Variants in PNO1 observed in about 807,000 individuals in gnomAD.
PNO1 encodes RNA-binding protein PNO1.
Under a neutral mutation model 28.4 loss-of-function variants are expected in PNO1, and 16 were observed. The ratio of observed to expected loss-of-function variants is 0.56; its 90% CI spans 0.38 to 0.85. The LOEUF (loss-of-function observed/expected upper bound fraction) is 0.85. PNO1 is among the 40% of genes least tolerant of loss of function. PNO1 has a pLI of 0.00. For synonymous variants in PNO1, 115 were observed against 110.8 expected (o/e 1.04, Z -0.24); for missense variants, 304 against 312.2 (o/e 0.97, Z 0.20).
At chr2:68,169,847 A>G (rs1193997372) in intron 5 of PNO1, among the ~76,000 whole-genome samples, 1 of 152,090 alleles carries the variant, frequency 6.6e-6, no homozygotes, top group Non-Finnish European at 1.5e-5. Context: ...CTTCCAGTAT[A>G]TGTGTTGAAA....
At chr2:68,170,502 C>T (rs2103688649) in intron 5 of PNO1, among the ~76,000 whole-genome samples, 1 of 152,270 alleles carries the variant, frequency 6.6e-6, no homozygotes, top group South Asian at 2.1e-4. Context: ...AATCCCAGCA[C>T]TTTGGGAGGC....
chr2:68,174,752 G>C lies in PNO1; in HGVS notation c.709G>C (p.Val237Leu), dbSNP rs752339207. 1 of 1,608,604 alleles carries C rather than the reference G, an allele frequency of 6.2e-7. No individual in the cohort carries two copies. Reference sequence around the variant, plus strand: ...CTTTGCAGGAAATCCTCCTTCCAAGGTTTATGGCAATATTCGAGCTGTGGC... The same window carrying C: ...CTTTGCAGGAAATCCTCCTTCCAAGCTTTATGGCAATATTCGAGCTGTGGC... ...NLILGNPPSK[V>L]YGNIRAVASR... is the part of the protein sequence containing the mutation. The change falls in exon 7 of 7, where the codon GTT becomes CTT. Residue 237 changes from valine to leucine, a missense_variant. Val to Leu is a conservative substitution (Grantham distance 32). Coordinates refer to ENST00000263657, the MANE Select transcript of PNO1 (RefSeq NM_020143.4).
At position 68,162,340 on chromosome 2, in the gene PNO1, G is replaced by A; in HGVS notation, c.502+15G>A. The A allele has an allele frequency of 6.3e-7, 1 of 1,588,334 alleles. No homozygotes were observed. The highest frequency in any genetic ancestry group is 8.6e-7 in the Non-Finnish European group (1 of 1,163,758). Reference sequence around the variant, plus strand: ...AATTACAGATGGTGAGTGTGTGTTGGTCTGCGCTCTTGTGTCGCTGACTTT... The same window carrying A: ...AATTACAGATGGTGAGTGTGTGTTGATCTGCGCTCTTGTGTCGCTGACTTT... On this transcript the variant is annotated intron_variant, in intron 4 of 6. Transcript: ENST00000263657.
chr2:68,158,557 T>C (rs755169466), intron 2 of PNO1, 28 bp downstream of exon 2: 3 of 1,593,034 alleles, frequency 1.9e-6, no homozygotes, highest in Non-Finnish European at 2.6e-6. Context: ...CATTTCCCAA[T>C]ACACCAGGCT....
chr2:68,163,601 AT>A (rs1673900475), intron 5 of PNO1, among the ~76,000 whole-genome samples: 1 of 152,098 alleles, frequency 6.6e-6, no homozygotes, highest in Non-Finnish European at 1.5e-5. Context: ...AAGGGAATCT[AT>A]TAAATCACTA....
rs1162227949 is a variant in PNO1, at chr2:68,176,033, A to C, written c.*1231A>C. On this transcript the variant is annotated 3_prime_UTR_variant, in exon 7 of 7. Transcript: ENST00000263657. ...AAATACAGCTTCTACTGAATGAATA[A>C]TTCTAAAGTTGAAAAATAATAGTAA... 6.6e-6 allele frequency: 1 copy of C among 152,248 alleles called. No individual in the cohort carries two copies. The highest frequency in any genetic ancestry group is 2.4e-5 in the African/African-American group (1 of 41,456). 9.4% of individuals were successfully genotyped at this position (152,248 alleles called of 1,614,324 possible).
chr2:68,158,454 G>A lies in PNO1; in HGVS notation c.282G>A (p.Lys94=), dbSNP rs568308633. The A allele has an allele frequency of 6.2e-7, 1 of 1,613,222 alleles. No individual in the cohort carries two copies. Among genetic ancestry groups the A allele is most frequent in the South Asian group, 1.1e-5 (1 of 91,056 alleles). Reference sequence around the variant, plus strand: ...CACCATTGAAAGAAAACTGGATGAAGATATTTACTCCTATTGTGGAACATT... The same window carrying A: ...CACCATTGAAAGAAAACTGGATGAAAATATTTACTCCTATTGTGGAACATT... ...RYTPLKENWM[K]IFTPIVEHLG... The change falls in exon 2 of 7, where the codon AAG becomes AAA. Residue 94 remains lysine (K), a synonymous_variant. Transcript: ENST00000263657.
In PNO1 at chr2:68,163,540, A is replaced by AATACATACATACGTAC. The variant is rs1553401138; in HGVS notation, c.620+889_620+890insGTACATACATACATAC. Among the ~76,000 whole-genome samples the AATACATACATACGTAC allele has an allele frequency of 2.9e-5, 4 of 136,166 alleles. No individual in the cohort carries two copies. The East Asian group carries it at 8.5e-4, about 29-fold the overall frequency. The allele number at this position is 136,166 out of a possible 152,430, so 89.3% of individuals were successfully genotyped here. ...AGTGAGACTCTGTCTCAAATAAATAAATACATACATACATACATACATACA... is the reference window on the plus strand; with the variant it reads ...AGTGAGACTCTGTCTCAAATAAATAAATACATACATACGTACATACATACATACATACATACATACA... On this transcript the variant is annotated intron_variant, in intron 5 of 6. Transcript: ENST00000263657.
intron 3 of PNO1, 146 bp from the exon 4 acceptor site, chr2:68,162,119 A>C: frequency 1.6e-6 from 1 of 611,626 alleles, no homozygotes; most frequent in Non-Finnish European, 2.9e-6. Context: ...AGCCTGGGCG[A>C]CAGCGTAAGA....
chr2:68,173,126 C>A, intron 5 of PNO1: 3 of 173,184 alleles, frequency 1.7e-5, no homozygotes, highest in African/African-American at 3.3e-5. Context: ...GGGTTTTGGT[C>A]TGTCACTCAG....
In PNO1 at chr2:68,168,988, G is replaced by A. The variant is rs551475414; in HGVS notation, c.621-4359G>A. ...CTATCGCCAAGGCTGAAGTGCAGTG[G>A]TGCAATCTCGGCTCACTGCAACCTC... On this transcript the variant is annotated intron_variant, in intron 5 of 6. Transcript: ENST00000263657. Among the ~76,000 whole-genome samples the A allele has an allele frequency of 3.8e-4, 54 of 141,124 alleles. 2 individuals are homozygous for A. The South Asian group carries it at 0.012, about 31-fold the overall frequency. The allele number at this position is 141,124 out of a possible 152,430, so 92.6% of individuals were successfully genotyped here. A position where few individuals can be genotyped will look rare whatever the true frequency, so the allele number is the denominator to read the frequency against.
intron 5 of PNO1, among the ~76,000 whole-genome samples, chr2:68,163,536 AATAAATACATAC>A (rs1411151019): frequency 6.9e-6 from 1 of 144,872 alleles, no homozygotes; most frequent in East Asian, 2.0e-4. Flanking sequence ...GTCTCAAATA[AATAAATACATAC>A]ATACATACAT....
At position 68,174,944 on chromosome 2, in the gene PNO1, A is replaced by G. The variant is rs749178124; in HGVS notation, c.*142A>G. 12 of 538,894 alleles carry G rather than the reference A, an allele frequency of 2.2e-5. No individual in the cohort carries two copies. The highest frequency in any genetic ancestry group is 4.0e-5 in the Non-Finnish European group (12 of 299,054). 33.4% of individuals were successfully genotyped at this position (538,894 alleles called of 1,614,324 possible). A position where few individuals can be genotyped will look rare whatever the true frequency, so the allele number is the denominator to read the frequency against. On this transcript the variant is annotated 3_prime_UTR_variant, in exon 7 of 7. Transcript: ENST00000263657. The stretch of plus-strand genomic sequence containing the variant: ...TCCATTCTCAGCCAGAAGCATAAAC[A>G]GAAAAGAAAGATTTAAGAGGATTCA...
At chr2:68,161,902 A>T in intron 3 of PNO1, 136 bp downstream of exon 3, 1 of 638,072 alleles carries the variant, frequency 1.6e-6, no homozygotes. Context: ...TGGGAGGCTG[A>T]GGCAGGTGGA....
chr2:68,164,618 A>G (rs1301235455), intron 5 of PNO1, among the ~76,000 whole-genome samples: 1 of 152,092 alleles, frequency 6.6e-6, no homozygotes, highest in African/African-American at 2.4e-5. Context: ...CCTGGGCAAC[A>G]TAGGGATCTC....
At position 68,162,342 on chromosome 2, in the gene PNO1, C is replaced by T; in HGVS notation, c.502+17C>T. The stretch of plus-strand genomic sequence containing the variant: ...TTACAGATGGTGAGTGTGTGTTGGT[C>T]TGCGCTCTTGTGTCGCTGACTTTGT... On this transcript the variant is annotated intron_variant, in intron 4 of 6. Transcript: ENST00000263657. The T allele has an allele frequency of 6.3e-7, 1 of 1,586,620 alleles. No homozygotes were observed. The highest frequency in any genetic ancestry group is 8.6e-7 in the Non-Finnish European group (1 of 1,162,228).
In PNO1 at chr2:68,158,502, C is replaced by T; in HGVS notation, c.330C>T (p.Asn110=). ...VEHLGLQIRF[N]LKSRNVEIRT... ...ATTTGGGACTTCAGATACGCTTTAA[C>T]TTGAAATCAAGGAATGTAGAAATCA... is the stretch of plus-strand genomic sequence containing the variant. Residue 110 remains asparagine (N), a synonymous_variant, in exon 2 of 7, where the codon AAC becomes AAT. Coordinates refer to ENST00000263657, the MANE Select transcript of PNO1 (RefSeq NM_020143.4). The T allele has an allele frequency of 6.2e-7, 1 of 1,613,058 alleles. No individual in the cohort carries two copies. The highest frequency in any genetic ancestry group is 1.1e-5 in the South Asian group (1 of 90,852).
rs34323809 is a variant in PNO1 at position 68,174,288 on chromosome 2, G to GT, written c.692-425dup. Among the ~76,000 whole-genome samples, 559 of 106,750 alleles carry GT rather than the reference G, an allele frequency of 5.2e-3. 1 individual carries two copies. The highest frequency in any genetic ancestry group is 7.5e-3 in the South Asian group (24 of 3,190). 70.0% of individuals were successfully genotyped at this position (106,750 alleles called of 152,430 possible). ...ATATTTGGGTATTATTTCTGTTAAG[G>GT]TTTTTTTTTTTTTTTTTTTTTTGTA... On this transcript the variant is annotated intron_variant, in intron 6 of 6. Transcript: ENST00000263657.
chr2:68,159,992 A>G (rs1332875964), intron 2 of PNO1, among the ~76,000 whole-genome samples: 1 of 132,902 alleles, frequency 7.5e-6, no homozygotes, highest in African/African-American at 3.0e-5. Context: ...TTTTTGAGAT[A>G]GAGTCTTGCT....
Sources: gnomAD v4.1 joint callset for allele counts (sites outside exome capture counted in the v4.1 genomes callset) on GRCh38, gnomAD v4.1.1 for gene constraint, MANE v1.5 for transcripts, NCBI Gene and HGNC (gene_info 2026-07-23, HGNC 2026-07-21) for gene names.